ERAP2: variants seen among roughly 807,000 people sequenced by gnomAD.
The protein encoded by ERAP2 is endoplasmic reticulum aminopeptidase 2.
A neutral mutation model predicts 111.1 loss-of-function variants in ERAP2; 118 were observed. The observed-to-expected ratio is 1.06, with a 90% CI of 0.92 to 1.24. The LOEUF (loss-of-function observed/expected upper bound fraction) is 1.24. Ranked by LOEUF, ERAP2 falls within the 50% of genes most tolerant of loss-of-function variation. The pLI is 0.00. For missense variants in ERAP2, 1,131 were observed against 1,125.8 expected, an observed-to-expected ratio of 1.00 and a Z score of -0.07; for synonymous variants, 410 against 401.2, an observed-to-expected ratio of 1.02 and a Z score of -0.26.
At chr5:96,912,873 A>G (rs554986597) in intron 16 of ERAP2, 75 bp downstream of exon 16, 92 of 1,267,164 alleles carry the variant, frequency 7.3e-5, no homozygotes, top group Non-Finnish European at 9.8e-5. Context: ...AACTTCAGCC[A>G]CCAGTTTTAA....
Position 96,907,239 on chromosome 5 carries a change from G to A in ERAP2, c.2013-1722G>A, listed in dbSNP as rs551798893. On this transcript the variant is annotated intron_variant, in intron 13 of 18. Coordinates refer to ENST00000437043, the MANE Select transcript of ERAP2 (RefSeq NM_022350.5). ...CATTCTATGCATTTTTTGAAGCATAGGGTTAGTAATGAGGACTTAGATTTT... is the reference window on the plus strand; with the variant it reads ...CATTCTATGCATTTTTTGAAGCATAAGGTTAGTAATGAGGACTTAGATTTT... 2.6e-5 allele frequency among the ~76,000 whole-genome samples: 4 copies of A among 152,212 alleles called. No individual in the cohort carries two copies. In the East Asian group the frequency reaches 7.7e-4, roughly 29 times the overall value.
At chr5:96,883,681 G>A (rs1783402138) in intron 2 of ERAP2, 111 bp from the exon 3 acceptor site, 1 of 1,093,536 alleles carries the variant, frequency 9.1e-7, no homozygotes, top group East Asian at 2.7e-5. Flanking sequence ...TGCAGTTTGA[G>A]AAATCAAGTC....
chr5:96,912,796 G>A lies in ERAP2; in HGVS notation c.2514G>A (p.Leu838=). The A allele has an allele frequency of 6.3e-7, 1 of 1,591,874 alleles. No homozygotes were observed. Among genetic ancestry groups the A allele is most frequent in the Non-Finnish European group, 8.5e-7 (1 of 1,173,780 alleles). The change falls in exon 16 of 19, where the codon CTG becomes CTA. Residue 838 remains leucine (L), a splice_region_variant and synonymous_variant. Transcript: ENST00000437043. ...CGAGCAAGCATCAGGAAAAGTTACT[G>A]AAGTAAGTTCAATAATTTAACTAAA... ...LSTSKHQEKL[L]KLIELGMEGK... is the part of the protein sequence containing the mutation.
chr5:96,885,723 G>T (rs1783650929), intron 3 of ERAP2, among the ~76,000 whole-genome samples: 1 of 144,882 alleles, frequency 6.9e-6, no homozygotes, highest in Admixed American at 6.8e-5. Context: ...GCCTGTCTAG[G>T]AGTTGTGACT....
intron 2 of ERAP2, among the ~76,000 whole-genome samples, chr5:96,883,283 C>T (rs1783351539): frequency 6.6e-6 from 1 of 152,172 alleles, no homozygotes. Context: ...CTGCTTCCCT[C>T]ACTCCCTTAC....
In ERAP2 at chr5:96,900,510, A is replaced by G. The variant is rs149530664; in HGVS notation, c.1572+321A>G. Among the ~76,000 whole-genome samples, 327 of 152,260 alleles carry G rather than the reference A, an allele frequency of 2.1e-3. 2 individuals are homozygous for G. The highest frequency in any genetic ancestry group is 7.6e-3 in the African/African-American group (315 of 41,552). On this transcript the variant is annotated intron_variant, in intron 10 of 18. Coordinates refer to ENST00000437043, the MANE Select transcript of ERAP2 (RefSeq NM_022350.5). The stretch of plus-strand genomic sequence containing the variant: ...AGCTCTGAAAAATGCCAAAATAAGT[A>G]TGCTGTTAGGTTTGGAAATACAGTA...
rs750678847 is a variant in ERAP2, at chr5:96,896,713, C to A, written c.1372-19C>A. 6 of 1,550,428 alleles carry A rather than the reference C, an allele frequency of 3.9e-6. No homozygotes were observed. Among genetic ancestry groups the A allele is most frequent in the Non-Finnish European group, 1.7e-6 (2 of 1,156,772 alleles). On this transcript the variant is annotated intron_variant, in intron 8 of 18. Transcript: ENST00000437043. ...ATTTTCTTTATCTCTTTTTTCAACT[C>A]TTTTGTTTTTTTTTAAAGGGAGCTT... is the stretch of plus-strand genomic sequence containing the variant.
chr5:96,889,005 A>G lies in ERAP2; in HGVS notation c.850-180A>G, dbSNP rs17087129. ...AGATTCAGGGTGTTTGTAATTTTCA[A>G]GACTGACTTTTGCTTTAATACTTCA... On this transcript the variant is annotated intron_variant, in intron 4 of 18. Transcript: ENST00000437043. Among the ~76,000 whole-genome samples, 3,582 of 152,300 alleles carry G rather than the reference A, an allele frequency of 0.024. 68 individuals carry two copies. The highest frequency in any genetic ancestry group is 0.095 in the Middle Eastern group (28 of 294).
At chr5:96,877,723 G>A (rs1782699836) in intron 1 of ERAP2, among the ~76,000 whole-genome samples, 1 of 127,678 alleles carries the variant, frequency 7.8e-6, no homozygotes, top group Non-Finnish European at 1.7e-5. Context: ...CACATAATAA[G>A]CCACTCCATT....
In ERAP2 at chr5:96,891,322, C is replaced by T. The variant is rs144496157; in HGVS notation, c.971-977C>T. Among the ~76,000 whole-genome samples, 932 of 150,840 alleles carry T rather than the reference C, an allele frequency of 6.2e-3. 6 individuals carry two copies. Among genetic ancestry groups the T allele is most frequent in the South Asian group, 9.4e-3 (45 of 4,796 alleles). On this transcript the variant is annotated intron_variant, in intron 5 of 18. Transcript: ENST00000437043. The stretch of plus-strand genomic sequence containing the variant: ...CATTAGCAAAGGATAGTAAACCATG[C>T]GCATACATTTATACCTGTATATGTA...
In ERAP2 at chr5:96,887,256, G is replaced by T. The variant is rs181430682; in HGVS notation, c.849+467G>T. On this transcript the variant is annotated intron_variant, in intron 4 of 18. Coordinates refer to ENST00000437043, the MANE Select transcript of ERAP2 (RefSeq NM_022350.5). ...AATAATTGCATGGAGGTTTAATAAG[G>T]ATTTTAAAATCAGTATCTTATTTTT... Among the ~76,000 whole-genome samples the T allele has an allele frequency of 1.4e-3, 209 of 150,490 alleles. 4 individuals carry two copies. Among genetic ancestry groups the T allele is most frequent in the Non-Finnish European group, 2.1e-4 (14 of 67,814 alleles).
chr5:96,915,016 AT>A (rs1248788305), intron 17 of ERAP2, among the ~76,000 whole-genome samples: 1 of 151,512 alleles, frequency 6.6e-6, no homozygotes, highest in Non-Finnish European at 1.5e-5. Flanking sequence ...TAATTAATTT[AT>A]TTTTTTTGAG....
intron 1 of ERAP2, 87 bp from the exon 2 acceptor site, chr5:96,879,477 C>T (rs569481936): frequency 4.0e-6 from 2 of 496,472 alleles, no homozygotes; most frequent in South Asian, 3.2e-5. Flanking sequence ...TTTTCCCTTA[C>T]TCACACATAC....
In ERAP2 at chr5:96,909,071, A is replaced by G; in HGVS notation, c.2123A>G (p.His708Arg). 2.5e-6 allele frequency: 4 copies of G among 1,614,170 alleles called. No individual in the cohort carries two copies. The highest frequency in any genetic ancestry group is 3.4e-6 in the Non-Finnish European group (4 of 1,180,004). The change falls in exon 14 of 19, where the codon CAC becomes CGC. Residue 708 changes from histidine to arginine, a missense_variant. His to Arg is a conservative substitution (Grantham distance 29). Transcript: ENST00000437043. The stretch of plus-strand genomic sequence containing the variant: ...CTGAGTTACTTGGAATCGTTTTACC[A>G]CATGATGGACAGAAGGAATATTTCA... ...EGLSYLESFYHMMDRRNISDI... is the reference protein window; with the variant it reads ...EGLSYLESFYRMMDRRNISDI...
chr5:96,897,694 G>C (rs1211055170), intron 9 of ERAP2, among the ~76,000 whole-genome samples: 2 of 152,042 alleles, frequency 1.3e-5, no homozygotes, highest in African/African-American at 4.8e-5. Flanking sequence ...TAATTCAGAT[G>C]ATTCTAATAA....
At position 96,901,349 on chromosome 5, in the gene ERAP2, T is replaced by A. The variant is rs1410566044; in HGVS notation, c.1573-157T>A. Among the ~76,000 whole-genome samples the A allele has an allele frequency of 3.3e-5, 5 of 152,192 alleles. No homozygotes were observed. The South Asian group carries it at 8.3e-4, about 25-fold the overall frequency. On this transcript the variant is annotated intron_variant, in intron 10 of 18. Transcript: ENST00000437043. ...AGAGCAGCCCTGGGATAGCCATCCC[T>A]AATCCAGTTGCCTGGATTACCCTTC...
At chr5:96,892,512 C>T (rs758281528) in intron 6 of ERAP2, 59 bp downstream of exon 6, 81 of 1,580,036 alleles carry the variant, frequency 5.1e-5, no homozygotes, top group Middle Eastern at 1.7e-4. Flanking sequence ...ATATAGAACA[C>T]GACCAATCTT....
At position 96,906,943 on chromosome 5, in the gene ERAP2, G is replaced by A. The variant is rs371512999; in HGVS notation, c.2013-2018G>A. Among the ~76,000 whole-genome samples the A allele has an allele frequency of 2.8e-4, 42 of 152,246 alleles. No homozygotes were observed. The East Asian group carries it at 6.4e-3, about 23-fold the overall frequency. On this transcript the variant is annotated intron_variant, in intron 13 of 18. Transcript: ENST00000437043. ...CTTGGGAGGCTGAGGCAGGAGAATC[G>A]CTTGAACCCGGGAGGCAGAGGTTGC...
At position 96,915,670 on chromosome 5, in the gene ERAP2, G is replaced by A; in HGVS notation, c.2658-18G>A. 6.7e-7 allele frequency: 1 copy of A among 1,483,230 alleles called. No individual in the cohort carries two copies. The highest frequency in any genetic ancestry group is 9.0e-7 in the Non-Finnish European group (1 of 1,104,976). The allele number at this position is 1,483,230 out of a possible 1,614,324, so 91.9% of individuals were successfully genotyped here. ...CAGTATTTCTATGACTTTCTATGGT[G>A]TTTCTTTTTATTTTCAGATTTGACT... On this transcript the variant is annotated intron_variant, in intron 17 of 18. Transcript: ENST00000437043.
Sources: gnomAD v4.1 joint callset for allele counts (sites outside exome capture counted in the v4.1 genomes callset) on GRCh38, gnomAD v4.1.1 for gene constraint, MANE v1.5 for transcripts, NCBI Gene and HGNC (gene_info 2026-07-23, HGNC 2026-07-21) for gene names.